Variants in SH2D4B observed in about 807,000 individuals in gnomAD.
SH2D4B encodes SH2 domain-containing protein 4B.
Under a neutral mutation model 61.5 loss-of-function variants are expected in SH2D4B, and 45 were observed. That is an observed-to-expected ratio of 0.73 (90% CI 0.58 to 0.94). SH2D4B has a LOEUF of 0.94. Ranked by LOEUF, SH2D4B falls within the 40% of genes least tolerant of loss-of-function variation. SH2D4B has a pLI of 0.00. For missense variants in SH2D4B, 572 were observed against 574.2 expected, an observed-to-expected ratio of 1.00 and a Z score of 0.04; for synonymous variants, 224 against 220.4, an observed-to-expected ratio of 1.02 and a Z score of -0.14.
At chr10:80,562,028 T>TACACACACACACAC (rs150356380) in intron 1 of SH2D4B, among the ~76,000 whole-genome samples, 11 of 144,504 alleles carry the variant, frequency 7.6e-5, no homozygotes, top group African/African-American at 2.5e-4. Context: ...CTCTTCCAAT[T>TACACACACACACAC]ACACACACAC....
At chr10:80,563,476 G>T (rs999877580) in intron 1 of SH2D4B, among the ~76,000 whole-genome samples, 2 of 152,042 alleles carry the variant, frequency 1.3e-5, no homozygotes, top group African/African-American at 2.4e-5. Context: ...GTCTATTTTT[G>T]CTGTTGTTGC....
In SH2D4B at chr10:80,644,002, A is replaced by G. The variant is rs538410168; in HGVS notation, c.1219A>G (p.Ile407Val). ...DLVDFHKEEI[I>V]TVSGGELLQE... ...TTTTTTTCTGTTTTAGGAGGAAATTATCACTGTTTCAGGAGGAGAGTTACT... is the reference window on the plus strand; with the variant it reads ...TTTTTTTCTGTTTTAGGAGGAAATTGTCACTGTTTCAGGAGGAGAGTTACT... The change falls in exon 8 of 8, where the codon ATC becomes GTC. Residue 407 changes from isoleucine to valine, a missense_variant. Coordinates refer to ENST00000646907, the MANE Select transcript of SH2D4B (RefSeq NM_001388272.1). 3.7e-6 allele frequency: 6 copies of G among 1,613,560 alleles called. No homozygotes were observed. In the Admixed American group the frequency reaches 1.0e-4, roughly 27 times the overall value.
At chr10:80,637,272 C>T (rs1233301359) in intron 7 of SH2D4B, among the ~76,000 whole-genome samples, 1 of 152,158 alleles carries the variant, frequency 6.6e-6, no homozygotes, top group Non-Finnish European at 1.5e-5. Flanking sequence ...GCAATGCAGG[C>T]TCTTTTTTGG....
At chr10:80,580,902 C>G (rs1842178844) in intron 3 of SH2D4B, among the ~76,000 whole-genome samples, 1 of 152,084 alleles carries the variant, frequency 6.6e-6, no homozygotes, top group Non-Finnish European at 1.5e-5. Context: ...GCGTGTCTGG[C>G]CTTTTGGCTG....
intron 6 of SH2D4B, among the ~76,000 whole-genome samples, chr10:80,612,304 A>G (rs1226664889): frequency 6.7e-6 from 1 of 150,140 alleles, no homozygotes; most frequent in East Asian, 2.0e-4. Flanking sequence ...CTTCCTCTGT[A>G]CCAATTCCTA....
rs540619477 is a variant in SH2D4B at position 80,580,335 on chromosome 10, G to A, written c.496-8295G>A. On this transcript the variant is annotated intron_variant, in intron 3 of 7. Transcript: ENST00000646907. ...TAGCTGAGTCTACATATTACAATTA[G>A]ACCCTATACATCAAAAGGCAAAGCA... Among the ~76,000 whole-genome samples, 80 of 152,264 alleles carry A rather than the reference G, an allele frequency of 5.3e-4. 1 individual carries two copies. Among genetic ancestry groups the A allele is most frequent in the Middle Eastern group, 3.4e-3 (1 of 294 alleles).
chr10:80,549,064 G>C (rs2132105153), intron 1 of SH2D4B, among the ~76,000 whole-genome samples: 1 of 152,308 alleles, frequency 6.6e-6, no homozygotes, highest in Non-Finnish European at 1.5e-5. Flanking sequence ...GAGAATTGCT[G>C]TGATCTGCTG....
intron 1 of SH2D4B, among the ~76,000 whole-genome samples, chr10:80,544,191 C>G (rs184326735): frequency 6.6e-6 from 1 of 152,286 alleles, no homozygotes; most frequent in East Asian, 1.9e-4. Context: ...ACTCCTGAAG[C>G]CAGCAAGACC....
chr10:80,550,034 G>T (rs992692642), intron 1 of SH2D4B, among the ~76,000 whole-genome samples: 5 of 147,732 alleles, frequency 3.4e-5, no homozygotes, highest in African/African-American at 1.2e-4. Flanking sequence ...CACAAGGAAA[G>T]AACTTGCAGC....
intron 3 of SH2D4B, among the ~76,000 whole-genome samples, chr10:80,578,966 A>G (rs114203178): frequency 0.023 from 3,461 of 152,278 alleles, 118 homozygotes; most frequent in African/African-American, 0.078. Flanking sequence ...CCAAGTCCCA[A>G]GCTGGGAGAT....
At chr10:80,569,076 C>T (rs1268576025) in intron 1 of SH2D4B, among the ~76,000 whole-genome samples, 1 of 152,166 alleles carries the variant, frequency 6.6e-6, no homozygotes, top group East Asian at 1.9e-4. Flanking sequence ...TATTTTAATC[C>T]TGTAATCAGC....
chr10:80,546,568 C>T (rs1462241809), intron 1 of SH2D4B, among the ~76,000 whole-genome samples: 1 of 149,378 alleles, frequency 6.7e-6, no homozygotes, highest in Non-Finnish European at 1.5e-5. Context: ...CTCTTTTGCC[C>T]AGGCCGGACT....
At chr10:80,629,401 T>TC (rs1480727756) in intron 6 of SH2D4B, among the ~76,000 whole-genome samples, 2 of 152,218 alleles carry the variant, frequency 1.3e-5, no homozygotes, top group Non-Finnish European at 2.9e-5. Flanking sequence ...AGATGATAAT[T>TC]CAACATGAGA....
At chr10:80,556,004 T>C (rs1382692810) in intron 1 of SH2D4B, among the ~76,000 whole-genome samples, 1 of 152,202 alleles carries the variant, frequency 6.6e-6, no homozygotes, top group African/African-American at 2.4e-5. Flanking sequence ...TGGCTTGGGC[T>C]TTCCAGCATT....
chr10:80,578,268 G>A lies in SH2D4B; in HGVS notation c.495+6690G>A, dbSNP rs572976033. On this transcript the variant is annotated intron_variant, in intron 3 of 7. Coordinates refer to ENST00000646907, the MANE Select transcript of SH2D4B (RefSeq NM_001388272.1). Reference sequence around the variant, plus strand: ...TTTTTACTGTGTCTTTCAACAGTAGGGTTCTAACATTCTGAGTCTTGCTTG... The same window carrying A: ...TTTTTACTGTGTCTTTCAACAGTAGAGTTCTAACATTCTGAGTCTTGCTTG... Among the ~76,000 whole-genome samples, 49 of 152,258 alleles carry A rather than the reference G, an allele frequency of 3.2e-4. 1 individual carries two copies. The South Asian group carries it at 7.7e-3, about 24-fold the overall frequency.
In SH2D4B at chr10:80,538,576, G is replaced by C. The variant is rs565904067; in HGVS notation, c.184+61G>C. 1 of 1,280,882 alleles carries C rather than the reference G, an allele frequency of 7.8e-7. No homozygotes were observed. Among genetic ancestry groups the C allele is most frequent in the African/African-American group, 1.5e-5 (1 of 65,062 alleles). 79.3% of individuals were successfully genotyped at this position (1,280,882 alleles called of 1,614,324 possible). Reference sequence around the variant, plus strand: ...AGTCCCCCAGGAGGTAGAAAAATTAGCAGGGCCAGGCTGTGCCCTTCTTCA... The same window carrying C: ...AGTCCCCCAGGAGGTAGAAAAATTACCAGGGCCAGGCTGTGCCCTTCTTCA... On this transcript the variant is annotated intron_variant, in intron 1 of 7. Coordinates refer to ENST00000646907, the MANE Select transcript of SH2D4B (RefSeq NM_001388272.1). The surrounding 1 kb of genome is among the most constrained non-coding windows in gnomAD (Gnocchi z 4.8).
At chr10:80,570,057 T>G in intron 1 of SH2D4B, 97 bp from the exon 2 acceptor site, 1 of 1,418,830 alleles carries the variant, frequency 7.0e-7, no homozygotes, top group South Asian at 1.3e-5. Context: ...CAATGTTCCA[T>G]AGAGTGATGT....
intron 6 of SH2D4B, among the ~76,000 whole-genome samples, chr10:80,618,996 C>CG (rs1842687788): frequency 6.6e-6 from 1 of 152,102 alleles, no homozygotes; most frequent in African/African-American, 2.4e-5. Context: ...TTTCCTTTCC[C>CG]GGGGTGCAGC....
At chr10:80,546,731 G>A (rs1356021244) in intron 1 of SH2D4B, among the ~76,000 whole-genome samples, 1 of 151,552 alleles carries the variant, frequency 6.6e-6, no homozygotes, top group Non-Finnish European at 1.5e-5. Context: ...GTTTCACCAT[G>A]TTAGTCAGGA....
Sources: gnomAD v4.1 joint callset for allele counts (sites outside exome capture counted in the v4.1 genomes callset) on GRCh38, gnomAD v4.1.1 for gene constraint, Gnocchi (gnomAD v3.1) non-coding constraint, MANE v1.5 for transcripts, NCBI Gene and HGNC (gene_info 2026-07-23, HGNC 2026-07-21) for gene names.